The following DENND1A variants were observed in gnomAD, a reference collection of about 807,000 sequenced individuals.
DENND1A encodes the protein DENN domain-containing protein 1A.
DENND1A carries 51 observed loss-of-function variants against 113.7 expected under a neutral mutation model. The observed-to-expected ratio is 0.45, with a 90% CI of 0.36 to 0.57. DENND1A has a LOEUF of 0.57. Among genes scored for constraint, DENND1A ranks in the 20% least tolerant of loss-of-function variants. The pLI is 0.00. For synonymous variants in DENND1A, 565 were observed against 570.8 expected (o/e 0.99, Z 0.14); for missense variants, 1,258 against 1,395.9 (o/e 0.90, Z 1.57).
intron 21 of DENND1A, among the ~76,000 whole-genome samples, chr9:123,402,317 G>C (rs1426589211): frequency 6.6e-6 from 1 of 152,158 alleles, no homozygotes; most frequent in Non-Finnish European, 1.5e-5. Context: ...GGGCTGTCTG[G>C]GTGGGCTGGT....
chr9:123,502,871 T>C (rs761843667), intron 13 of DENND1A, among the ~76,000 whole-genome samples: 1 of 152,220 alleles, frequency 6.6e-6, no homozygotes, highest in Non-Finnish European at 1.5e-5. Context: ...CTAACATGGC[T>C]ACAGAGAAAC....
At chr9:123,920,490 A>T (rs1302193547) in intron 1 of DENND1A, among the ~76,000 whole-genome samples, 1 of 152,218 alleles carries the variant, frequency 6.6e-6, no homozygotes, top group Non-Finnish European at 1.5e-5. Context: ...ACAGAGATAA[A>T]TATAAATTAT....
At chr9:123,830,307 A>G (rs1288046303) in intron 2 of DENND1A, among the ~76,000 whole-genome samples, 1 of 152,162 alleles carries the variant, frequency 6.6e-6, no homozygotes, top group African/African-American at 2.4e-5. Flanking sequence ...AAACTAATCT[A>G]TGGTAACATA....
chr9:123,762,374 C>T (rs1201031146), intron 4 of DENND1A, among the ~76,000 whole-genome samples: 1 of 152,212 alleles, frequency 6.6e-6, no homozygotes, highest in Non-Finnish European at 1.5e-5. Flanking sequence ...AGCCACAGAC[C>T]TAAACCTTCA....
At chr9:123,748,714 T>C (rs2131264982) in intron 5 of DENND1A, among the ~76,000 whole-genome samples, 1 of 152,334 alleles carries the variant, frequency 6.6e-6, no homozygotes, top group East Asian at 1.9e-4. Flanking sequence ...CTCAGATAAA[T>C]GCCTTCTGCT....
At chr9:123,866,479 G>GT (rs1253108453) in intron 2 of DENND1A, among the ~76,000 whole-genome samples, 5 of 152,280 alleles carry the variant, frequency 3.3e-5, no homozygotes, top group Middle Eastern at 3.4e-3. Context: ...TTTTTATCAA[G>GT]TTGTCATATC....
At chr9:123,552,052 A>G (rs2057114142) in intron 13 of DENND1A, among the ~76,000 whole-genome samples, 1 of 151,788 alleles carries the variant, frequency 6.6e-6, no homozygotes, top group African/African-American at 2.4e-5. Context: ...AGAGAGAGAG[A>G]GAGAGAGAGA....
chr9:123,628,683 C>G (rs940444950), intron 10 of DENND1A, among the ~76,000 whole-genome samples: 36 of 152,304 alleles, frequency 2.4e-4, no homozygotes, highest in Admixed American at 1.8e-3. Flanking sequence ...ACACCAAAAT[C>G]TAGACCAGCA....
At chr9:123,897,804 C>T (rs536643150) in intron 1 of DENND1A, among the ~76,000 whole-genome samples, 1 of 151,964 alleles carries the variant, frequency 6.6e-6, no homozygotes, top group African/African-American at 2.4e-5. Context: ...CCAGTCTCCA[C>T]CAAAAATTTA....
chr9:123,876,099 T>C (rs1042833749), intron 2 of DENND1A, among the ~76,000 whole-genome samples: 3 of 152,202 alleles, frequency 2.0e-5, no homozygotes, highest in African/African-American at 7.2e-5. Flanking sequence ...ACATAACACT[T>C]TTGAGATACT....
In DENND1A at chr9:123,380,741, G is replaced by T. The variant is rs937813243; in HGVS notation, c.*691C>A. On this transcript the variant is annotated 3_prime_UTR_variant, in exon 24 of 24. Coordinates refer to ENST00000394215, the MANE Select transcript of DENND1A (RefSeq NM_001352964.2). ...CCTTCTATAAATCAAAGTTGCTGGT[G>T]CTCGCAGCCCCCGTGCAGGGTGGCT... 1 of 152,596 alleles carries T rather than the reference G, an allele frequency of 6.6e-6. No homozygotes were observed. Among genetic ancestry groups the T allele is most frequent in the Admixed American group, 6.5e-5 (1 of 15,288 alleles). The allele number at this position is 152,596 out of a possible 1,614,324, so 9.5% of individuals were successfully genotyped here. A position where few individuals can be genotyped will look rare whatever the true frequency, so the allele number is the denominator to read the frequency against.
intron 1 of DENND1A, among the ~76,000 whole-genome samples, chr9:123,890,354 TA>T (rs1849719515): frequency 6.6e-6 from 1 of 152,220 alleles, no homozygotes; most frequent in African/African-American, 2.4e-5. Flanking sequence ...AAAATGTGCT[TA>T]AATGGAATAT....
chr9:123,668,331 C>T (rs1193068296), intron 7 of DENND1A, among the ~76,000 whole-genome samples: 2 of 152,042 alleles, frequency 1.3e-5, no homozygotes, highest in African/African-American at 4.8e-5. Context: ...AAATGAAAGG[C>T]CCTGGGGACA....
In DENND1A at chr9:123,766,777, G is replaced by A. The variant is rs561948324; in HGVS notation, c.182+2737C>T. 8.5e-5 allele frequency among the ~76,000 whole-genome samples: 13 copies of A among 152,286 alleles called. No individual in the cohort carries two copies. The South Asian group carries it at 2.5e-3, about 29-fold the overall frequency. On this transcript the variant is annotated intron_variant, in intron 4 of 23. Transcript: ENST00000394215. ...AATATATGAGGAAGCACATTCTTTT[G>A]AAAAGCTACTGGCTTTATTATTTTT...
chr9:123,649,549 C>A (rs916388529), intron 9 of DENND1A, among the ~76,000 whole-genome samples: 1 of 151,976 alleles, frequency 6.6e-6, no homozygotes, highest in Non-Finnish European at 1.5e-5. Context: ...CTTGTAAAAC[C>A]CCCTGGGATG....
rs576505296 is a variant in DENND1A, at chr9:123,894,761, GA to G, written c.18-15741del. On this transcript the variant is annotated intron_variant, in intron 1 of 23. Transcript: ENST00000394215. ...TTCTTTTCAAAAATAATGGTGACAG[GA>G]GATGATCATTTTGATGTAACTCCAC... Among the ~76,000 whole-genome samples the G allele has an allele frequency of 3.8e-3, 572 of 152,278 alleles. 3 individuals are homozygous for G. Among genetic ancestry groups the G allele is most frequent in the African/African-American group, 0.013 (527 of 41,536 alleles).
intron 12 of DENND1A, among the ~76,000 whole-genome samples, chr9:123,558,467 G>T (rs949505943): frequency 6.6e-6 from 1 of 152,264 alleles, no homozygotes; most frequent in Middle Eastern, 3.4e-3. Flanking sequence ...AAAGAAGCAC[G>T]TAATACATTT....
At chr9:123,670,371 G>GTGACAAGCCTTGTC (rs1200963436) in intron 7 of DENND1A, among the ~76,000 whole-genome samples, 1 of 152,162 alleles carries the variant, frequency 6.6e-6, no homozygotes, top group Non-Finnish European at 1.5e-5. Context: ...TCTGATGAAG[G>GTGACAAGCCTTGTC]TGGTGACAAG....
chr9:123,865,924 G>A (rs145965675), intron 2 of DENND1A, among the ~76,000 whole-genome samples: 32 of 152,164 alleles, frequency 2.1e-4, no homozygotes, highest in African/African-American at 7.0e-4. Flanking sequence ...ATGTATTTCC[G>A]TTAACCAAAA....
Sources: allele counts gnomAD v4.1 joint callset (sites outside exome capture counted in the v4.1 genomes callset), GRCh38; gene constraint gnomAD v4.1.1; transcripts MANE v1.5; gene names NCBI Gene and HGNC (gene_info 2026-07-23, HGNC 2026-07-21).